The following ST8SIA4 variants were observed in gnomAD, a reference collection of about 807,000 sequenced individuals.
ST8SIA4 encodes the protein CMP-N-acetylneuraminate-poly-alpha-2,8-sialyltransferase.
ST8SIA4 carries 15 observed loss-of-function variants against 33.9 expected under a neutral mutation model. That is an observed-to-expected ratio of 0.44 (90% confidence interval 0.30 to 0.68). The LOEUF is 0.68. Ranked by LOEUF, ST8SIA4 falls within the 30% of genes least tolerant of loss-of-function variation. The probability of loss-of-function intolerance (pLI) is 0.10; values close to 1 mark genes in which losing one functional copy is unlikely to be tolerated. For synonymous variants in ST8SIA4, 171 were observed against 151.2 expected (o/e 1.13, Z -0.96); for missense variants, 321 against 428.0 (o/e 0.75, Z 2.21).
chr5:100,872,773 T>C (rs955505752), intron 3 of ST8SIA4, among the ~76,000 whole-genome samples: 1 of 152,044 alleles, frequency 6.6e-6, no homozygotes, highest in African/African-American at 2.4e-5. Context: ...GATATTTATT[T>C]ATTAGCAATG....
intron 3 of ST8SIA4, among the ~76,000 whole-genome samples, chr5:100,861,835 A>T (rs953600976): frequency 6.6e-6 from 1 of 152,224 alleles, no homozygotes; most frequent in South Asian, 2.1e-4. Context: ...AAATTTTTCT[A>T]TAAATCAGGC....
chr5:100,878,701 G>A (rs1413344802), intron 3 of ST8SIA4, among the ~76,000 whole-genome samples: 1 of 152,160 alleles, frequency 6.6e-6, no homozygotes, highest in Non-Finnish European at 1.5e-5. Flanking sequence ...AATACAGTAA[G>A]TGATCACGTA....
At chr5:100,826,874 A>G (rs563151524) in intron 4 of ST8SIA4, among the ~76,000 whole-genome samples, 1 of 151,790 alleles carries the variant, frequency 6.6e-6, no homozygotes, top group East Asian at 1.9e-4. Flanking sequence ...ATAATACATT[A>G]ATACATCGAA....
chr5:100,856,576 T>C (rs1751819021), intron 3 of ST8SIA4, among the ~76,000 whole-genome samples, 180 bp from the exon 4 acceptor site: 2 of 152,346 alleles, frequency 1.3e-5, no homozygotes, highest in East Asian at 3.9e-4. Flanking sequence ...GCAGGAATAC[T>C]GCCTGCAATA....
intron 4 of ST8SIA4, among the ~76,000 whole-genome samples, chr5:100,839,405 GAAATGCTTCAGAACTCAGCTATA>G (rs1751428875): frequency 6.6e-6 from 1 of 151,902 alleles, no homozygotes; most frequent in African/African-American, 2.4e-5. Flanking sequence ...TAAATTTAAT[GAAATGCTTCAGAACTCAGCTATA>G]GAATTTATGT....
intron 4 of ST8SIA4, among the ~76,000 whole-genome samples, chr5:100,815,326 A>G (rs1222127544): frequency 1.3e-5 from 2 of 152,014 alleles, no homozygotes; most frequent in Non-Finnish European, 2.9e-5. Flanking sequence ...ATCTTAATAT[A>G]TGTTACATTC....
intron 3 of ST8SIA4, among the ~76,000 whole-genome samples, chr5:100,859,156 C>T (rs1751879547): frequency 6.6e-6 from 1 of 152,056 alleles, no homozygotes. Flanking sequence ...TTGTTGTGAG[C>T]ATCCAAACAT....
chr5:100,842,618 G>A (rs545592214), intron 4 of ST8SIA4, among the ~76,000 whole-genome samples: 3 of 151,576 alleles, frequency 2.0e-5, no homozygotes, highest in Non-Finnish European at 4.4e-5. Context: ...CATATATTTT[G>A]GTATAAGGTT....
intron 1 of ST8SIA4, among the ~76,000 whole-genome samples, chr5:100,896,868 G>A (rs1219105658): frequency 6.6e-6 from 1 of 152,026 alleles, no homozygotes; most frequent in Non-Finnish European, 1.5e-5. Flanking sequence ...ATAATAGAAG[G>A]GGATTCTGTT....
In ST8SIA4 at chr5:100,809,025, A is replaced by G. The variant is rs536013746; in HGVS notation, c.*2822T>C. 6.5e-6 allele frequency: 1 copy of G among 152,756 alleles called. No individual in the cohort carries two copies. The highest frequency in any genetic ancestry group is 2.4e-5 in the African/African-American group (1 of 41,578). 9.5% of individuals were successfully genotyped at this position (152,756 alleles called of 1,614,324 possible). A position where few individuals can be genotyped will look rare whatever the true frequency, so the allele number is the denominator to read the frequency against. ...TAGAGAACACAAAGGATATGGTGAC[A>G]AAGTAATGTGAAAAAGCTAAAAAGG... On this transcript the variant is annotated 3_prime_UTR_variant, in exon 5 of 5. Transcript: ENST00000231461.
intron 4 of ST8SIA4, among the ~76,000 whole-genome samples, chr5:100,813,816 T>TA (rs557134813): frequency 4.6e-4 from 70 of 151,266 alleles, no homozygotes; most frequent in African/African-American, 1.3e-3. Context: ...GTTGGTTAGT[T>TA]AAAAAAAAAC....
At position 100,895,730 on chromosome 5, in the gene ST8SIA4, G is replaced by T. The variant is rs768518296; in HGVS notation, c.169C>A (p.Arg57=). The T allele has an allele frequency of 3.1e-6, 5 of 1,612,806 alleles. No individual in the cohort carries two copies. In the East Asian group the frequency reaches 8.9e-5, roughly 29 times the overall value. ...TGGAAGATTGAAGAGCCAGCCTTTC[G>T]AATGATTTTATCAGAGCTATTGACA... ...SLVNSSDKII[R]KAGSSIFQHN... The change falls in exon 2 of 5, where the codon CGA becomes AGA. Residue 57 remains arginine (R), a synonymous_variant. Coordinates refer to ENST00000231461, the MANE Select transcript of ST8SIA4 (RefSeq NM_005668.6).
chr5:100,823,099 C>A (rs1459502081), intron 4 of ST8SIA4, among the ~76,000 whole-genome samples: 2 of 152,020 alleles, frequency 1.3e-5, no homozygotes, highest in Non-Finnish European at 2.9e-5. Context: ...CCACTGCACT[C>A]CAGCCTGGGA....
At chr5:100,895,881 T>A (rs1752769808) in intron 1 of ST8SIA4, 96 bp from the exon 2 acceptor site, 1 of 1,314,380 alleles carries the variant, frequency 7.6e-7, no homozygotes, top group Admixed American at 2.4e-5. Context: ...GTGATGAATT[T>A]TAGATACTTT....
intron 2 of ST8SIA4, 119 bp downstream of exon 2, chr5:100,895,535 T>G: frequency 1.0e-6 from 1 of 967,400 alleles, no homozygotes. Context: ...AGCTGGTTCA[T>G]TCTTTTATTT....
intron 2 of ST8SIA4, chr5:100,890,935 C>A (rs1440993992): frequency 1.3e-5 from 2 of 151,864 alleles, no homozygotes; most frequent in African/African-American, 4.8e-5. Flanking sequence ...AAACTTTTAA[C>A]TGAATTTTCA....
chr5:100,878,116 TC>T (rs2112464058), intron 3 of ST8SIA4, among the ~76,000 whole-genome samples: 1 of 152,278 alleles, frequency 6.6e-6, no homozygotes, highest in Non-Finnish European at 1.5e-5. Context: ...GCCTAATTAA[TC>T]AAATGAGAAG....
chr5:100,844,539 G>T (rs1285837665), intron 4 of ST8SIA4, among the ~76,000 whole-genome samples: 1 of 151,914 alleles, frequency 6.6e-6, no homozygotes, highest in Non-Finnish European at 1.5e-5. Context: ...ACTGGATACT[G>T]GTCTTCACCA....
At position 100,867,652 on chromosome 5, in the gene ST8SIA4, C is replaced by T. The variant is rs56121783; in HGVS notation, c.504-11256G>A. ...AATTGCCACAGAAATGTCGCTTTGA[C>T]ATTTAACTTTCTTGCTTAAATAAAC... On this transcript the variant is annotated intron_variant, in intron 3 of 4. Coordinates refer to ENST00000231461, the MANE Select transcript of ST8SIA4 (RefSeq NM_005668.6). 2.8e-3 allele frequency among the ~76,000 whole-genome samples: 420 copies of T among 152,042 alleles called. 1 individual carries two copies. Among genetic ancestry groups the T allele is most frequent in the African/African-American group, 9.8e-3 (407 of 41,494 alleles).
Sources: allele counts gnomAD v4.1 joint callset (sites outside exome capture counted in the v4.1 genomes callset), GRCh38; gene constraint gnomAD v4.1.1; transcripts MANE v1.5; gene names NCBI Gene and HGNC (gene_info 2026-07-23, HGNC 2026-07-21).